Variants in ACAD9 observed in about 807,000 individuals in gnomAD.
ACAD9 encodes complex I assembly factor ACAD9, mitochondrial.
Under a neutral mutation model 70.2 loss-of-function variants are expected in ACAD9, and 53 were observed. That is an observed-to-expected ratio of 0.75 (90% confidence interval 0.61 to 0.95). The LOEUF (loss-of-function observed/expected upper bound fraction) is 0.95. Ranked by LOEUF, ACAD9 falls within the 40% of genes least tolerant of loss-of-function variation. The pLI, the probability that ACAD9 is intolerant of heterozygous loss-of-function variation, is 0.00. For synonymous variants in ACAD9, 313 were observed against 312.1 expected, an observed-to-expected ratio of 1.00 and a Z score of -0.03; for missense variants, 777 against 802.8, an observed-to-expected ratio of 0.97 and a Z score of 0.39.
At chr3:128,910,901 CCA>C in intron 17 of ACAD9, 88 bp downstream of exon 17, 1 of 1,473,984 alleles carries the variant, frequency 6.8e-7, no homozygotes, top group South Asian at 1.1e-5. Flanking sequence ...TGTCAAGCTC[CCA>C]GAGCCTGCTA....
At chr3:128,908,645 C>A in intron 13 of ACAD9, 1 of 538,216 alleles carries the variant, frequency 1.9e-6, no homozygotes, top group South Asian at 2.0e-5. Flanking sequence ...TCCCCTCCAC[C>A]CCCACCCTAG....
At chr3:128,884,541 C>A in intron 1 of ACAD9, 112 bp from the exon 2 acceptor site, 1 of 769,096 alleles carries the variant, frequency 1.3e-6, no homozygotes, top group Non-Finnish European at 2.2e-6. Flanking sequence ...ACGTCATGTC[C>A]CGCTGGCCAG....
intron 2 of ACAD9, 118 bp downstream of exon 2, chr3:128,884,864 C>T: frequency 1.2e-6 from 1 of 849,964 alleles, no homozygotes; most frequent in East Asian, 2.5e-5. Flanking sequence ...GGTTTCCACT[C>T]ATAATATTTT....
In ACAD9 at chr3:128,910,610, G is replaced by A. The variant is rs1031897915; in HGVS notation, c.1693-131G>A. The A allele has an allele frequency of 5.9e-5, 58 of 987,814 alleles. No individual in the cohort carries two copies. In the African/African-American group the frequency reaches 7.6e-4, roughly 13 times the overall value. The allele number at this position is 987,814 out of a possible 1,614,324, so 61.2% of individuals were successfully genotyped here. A position where few individuals can be genotyped will look rare whatever the true frequency, so the allele number is the denominator to read the frequency against. On this transcript the variant is annotated intron_variant, in intron 16 of 17. Transcript: ENST00000308982. The stretch of plus-strand genomic sequence containing the variant: ...CAGGGCTGGAATTAGAACCCAAGAC[G>A]GGGTGACTCCTGTGCCAGGCCTTGT...
intron 1 of ACAD9, among the ~76,000 whole-genome samples, chr3:128,883,073 G>GTTTTTTTTT (rs58094285): frequency 7.2e-6 from 1 of 139,098 alleles, no homozygotes; most frequent in Non-Finnish European, 1.6e-5. Flanking sequence ...CCATCAGCTT[G>GTTTTTTTTT]TTTTTTTTTT....
At chr3:128,911,929 GCT>G (rs1936372278) in intron 17 of ACAD9, among the ~76,000 whole-genome samples, 1 of 152,154 alleles carries the variant, frequency 6.6e-6, no homozygotes, top group South Asian at 2.1e-4. Context: ...CGTGCTCCCC[GCT>G]CTGTCTGCAG....
rs753871957 is a variant in ACAD9 at position 128,899,337 on chromosome 3, G to A, written c.684G>A (p.Lys228=). 1 of 1,614,252 alleles carries A rather than the reference G, an allele frequency of 6.2e-7. No individual in the cohort carries two copies. Among genetic ancestry groups the A allele is most frequent in the Non-Finnish European group, 8.5e-7 (1 of 1,180,054 alleles). ...GLANIFTVFA[K]TEVVDSDGSV... is the part of the protein sequence containing the mutation. ...CCAATATTTTTACTGTGTTTGCAAA[G>A]ACTGAGGTCGTTGATTCTGATGGAT... is the stretch of plus-strand genomic sequence containing the variant. Residue 228 remains lysine (K), a synonymous_variant, in exon 7 of 18, where the codon AAG becomes AAA. Transcript: ENST00000308982.
chr3:128,908,988 C>G lies in ACAD9; in HGVS notation c.1374C>G (p.Ala458=). ...LTTRIHELKQ[A]KVSTVMDTVG... ...CTTTCTGCAGTGAGCTTAAACAGGC[C>G]AAAGTGAGCACAGTCATGGATACCG... Residue 458 remains alanine, a synonymous_variant, in exon 14 of 18, where the codon GCC becomes GCG. Transcript: ENST00000308982. The G allele has an allele frequency of 4.3e-6, 7 of 1,614,142 alleles. No homozygotes were observed. The highest frequency in any genetic ancestry group is 5.9e-6 in the Non-Finnish European group (7 of 1,180,030).
At chr3:128,906,528 G>A (rs1426912632) in intron 12 of ACAD9, among the ~76,000 whole-genome samples, 4 of 152,184 alleles carry the variant, frequency 2.6e-5, no homozygotes, top group Middle Eastern at 3.2e-3. Flanking sequence ...CAGCAGGGCC[G>A]ACCAAGGGAG....
intron 2 of ACAD9, among the ~76,000 whole-genome samples, chr3:128,890,051 C>T (rs1048407240): frequency 6.6e-6 from 1 of 152,132 alleles, no homozygotes; most frequent in African/African-American, 2.4e-5. Flanking sequence ...GTCTCAGACT[C>T]CTGGGCTCAG....
At chr3:128,889,236 A>G (rs930137433) in intron 2 of ACAD9, among the ~76,000 whole-genome samples, 1 of 151,008 alleles carries the variant, frequency 6.6e-6, no homozygotes. Flanking sequence ...CTGGTTTCCA[A>G]CTCCTGGGCT....
chr3:128,888,819 T>A (rs758726282), intron 2 of ACAD9, among the ~76,000 whole-genome samples: 63 of 152,008 alleles, frequency 4.1e-4, no homozygotes, highest in Non-Finnish European at 5.6e-4. Flanking sequence ...TTCCTAGTGT[T>A]TATCTTCCTA....
chr3:128,898,232 A>G (rs1377517984), intron 6 of ACAD9, among the ~76,000 whole-genome samples: 2 of 151,876 alleles, frequency 1.3e-5, no homozygotes, highest in Non-Finnish European at 2.9e-5. Flanking sequence ...GCTGGCCCTA[A>G]CTCCGGCAGT....
Position 128,908,780 on chromosome 3 carries a change from G to A in ACAD9, c.1359-193G>A, listed in dbSNP as rs876756. ...CTCCACCCCTCATGGGGGAGCATAT[G>A]TGTGGCTCCCCTGAGGAGACTGGCT... On this transcript the variant is annotated intron_variant, in intron 13 of 17. Coordinates refer to ENST00000308982, the MANE Select transcript of ACAD9 (RefSeq NM_014049.5). Among the ~76,000 whole-genome samples the A allele has an allele frequency of 0.24, 37,219 of 152,114 alleles. 4,961 individuals are homozygous for A. Among genetic ancestry groups the A allele is most frequent in the East Asian group, 0.55 (2,842 of 5,124 alleles).
chr3:128,902,573 C>T lies in ACAD9; in HGVS notation c.903C>T (p.Asn301=), dbSNP rs781417077. Residue 301 remains asparagine, a synonymous_variant, in exon 9 of 18, where the codon AAC becomes AAT. Coordinates refer to ENST00000308982, the MANE Select transcript of ACAD9 (RefSeq NM_014049.5). The surrounding 1 kb of genome is among the most constrained non-coding windows in gnomAD (Gnocchi z 4.0). ...TGCAGGTGGCCATGAACATCCTCAA[C>T]AGCGGCCGGTTCAGCATGGGCAGCG... ...DGFKVAMNIL[N]SGRFSMGSVV... 6.2e-7 allele frequency: 1 copy of T among 1,614,212 alleles called. No individual in the cohort carries two copies. The highest frequency in any genetic ancestry group is 8.5e-7 in the Non-Finnish European group (1 of 1,180,026).
intron 1 of ACAD9, among the ~76,000 whole-genome samples, chr3:128,884,209 C>T (rs1357579870): frequency 3.3e-5 from 5 of 152,132 alleles, no homozygotes; most frequent in African/African-American, 7.2e-5. Flanking sequence ...CTATCTTCCA[C>T]GATTCTCACA....
chr3:128,879,949 A>G, intron 1 of ACAD9, 108 bp downstream of exon 1: 6 of 1,584,574 alleles, frequency 3.8e-6, no homozygotes, highest in Non-Finnish European at 5.1e-6. Flanking sequence ...CCAGAGAGAT[A>G]CACCCTGCGG....
chr3:128,893,025 A>C (rs1329299526), intron 2 of ACAD9, among the ~76,000 whole-genome samples: 1 of 152,082 alleles, frequency 6.6e-6, no homozygotes, highest in Non-Finnish European at 1.5e-5. Context: ...AAGAAATAGA[A>C]CACCACCTAG....
At chr3:128,907,941 C>G (rs781663811) in intron 12 of ACAD9, among the ~76,000 whole-genome samples, 1 of 152,210 alleles carries the variant, frequency 6.6e-6, no homozygotes, top group African/African-American at 2.4e-5. Flanking sequence ...GCTTGACACA[C>G]GTGAGGCTGG....
Sources: gnomAD v4.1 joint callset for allele counts (sites outside exome capture counted in the v4.1 genomes callset) on GRCh38, gnomAD v4.1.1 for gene constraint, Gnocchi (gnomAD v3.1) non-coding constraint, MANE v1.5 for transcripts, NCBI Gene and HGNC (gene_info 2026-07-23, HGNC 2026-07-21) for gene names.